Variants in COLEC10 observed in about 807,000 individuals in gnomAD.
COLEC10 encodes the protein collectin-10.
In COLEC10, 22 loss-of-function variants were observed where a neutral mutation model predicts 28.4. The observed-to-expected ratio is 0.78, with a 90% CI of 0.55 to 1.11. COLEC10 has a LOEUF of 1.11. Ranked by LOEUF, COLEC10 falls within the 50% of genes least tolerant of loss-of-function variation. COLEC10 has a pLI of 0.00. For synonymous variants in COLEC10, 125 were observed against 116.1 expected, an observed-to-expected ratio of 1.08 and a Z score of -0.49; for missense variants, 361 against 344.1, an observed-to-expected ratio of 1.05 and a Z score of -0.39.
At chr8:119,102,686 A>T in intron 4 of COLEC10, 1 of 302,390 alleles carries the variant, frequency 3.3e-6, no homozygotes, top group Non-Finnish European at 6.0e-6. Flanking sequence ...CCAAGAGAAA[A>T]CTCTGGCAGT....
At chr8:119,047,435 T>C (rs1814605493) in intron 2 of COLEC10, among the ~76,000 whole-genome samples, 1 of 152,222 alleles carries the variant, frequency 6.6e-6, no homozygotes, top group Non-Finnish European at 1.5e-5. Flanking sequence ...ACATATGCTG[T>C]GTCAATCTAG....
intron 2 of COLEC10, among the ~76,000 whole-genome samples, chr8:119,042,033 T>C (rs1405194151): frequency 1.3e-5 from 2 of 151,940 alleles, no homozygotes; most frequent in Non-Finnish European, 2.9e-5. Flanking sequence ...AGTCTTTCCC[T>C]GTCTCCCACG....
At chr8:119,047,555 A>G (rs915694048) in intron 2 of COLEC10, among the ~76,000 whole-genome samples, 1 of 152,234 alleles carries the variant, frequency 6.6e-6, no homozygotes, top group African/African-American at 2.4e-5. Context: ...ACAAAGACTA[A>G]AGATGAAAAT....
intron 2 of COLEC10, among the ~76,000 whole-genome samples, chr8:119,029,538 A>G (rs1356591631): frequency 6.6e-6 from 1 of 152,154 alleles, no homozygotes; most frequent in Non-Finnish European, 1.5e-5. Context: ...AAAGAAACCT[A>G]TTGGAGTCAT....
chr8:119,025,569 T>G (rs556063648), intron 2 of COLEC10, among the ~76,000 whole-genome samples: 3 of 152,110 alleles, frequency 2.0e-5, no homozygotes, highest in Admixed American at 6.6e-5. Flanking sequence ...TTCAAAAAAT[T>G]TTCAGTGTGG....
At chr8:119,039,776 C>T (rs558763075) in intron 2 of COLEC10, among the ~76,000 whole-genome samples, 2 of 152,298 alleles carry the variant, frequency 1.3e-5, no homozygotes, top group Non-Finnish European at 2.9e-5. Context: ...AAGTCAGCAA[C>T]ATCTGACCAA....
chr8:119,075,892 C>CT (rs35870985), intron 1 of COLEC10, among the ~76,000 whole-genome samples: 1,287 of 82,350 alleles, frequency 0.016, 37 homozygotes, highest in African/African-American at 0.032. Flanking sequence ...TCAGCCATAT[C>CT]TTTTTTTTTT....
chr8:118,957,109 A>T, the COLEC10 span, among the ~76,000 whole-genome samples: 1 of 152,220 alleles, frequency 6.6e-6, no homozygotes, highest in Non-Finnish European at 1.5e-5. Context: ...ACCATTAACA[A>T]ATCAGGAAAG....
chr8:118,956,441 A>T, the COLEC10 span, among the ~76,000 whole-genome samples: 11 of 152,196 alleles, frequency 7.2e-5, no homozygotes, highest in Non-Finnish European at 1.2e-4. Context: ...ACCTCTGGGT[A>T]GGGAAGTTGG....
chr8:119,023,052 A>G (rs748258438), intron 2 of COLEC10, among the ~76,000 whole-genome samples: 2 of 152,110 alleles, frequency 1.3e-5, no homozygotes, highest in Admixed American at 6.6e-5. Flanking sequence ...AGATATACAC[A>G]TGGTTTATAT....
chr8:119,047,424 A>G (rs1217174713), intron 2 of COLEC10, among the ~76,000 whole-genome samples: 2 of 152,200 alleles, frequency 1.3e-5, no homozygotes, highest in Non-Finnish European at 2.9e-5. Context: ...AGTATGTTAC[A>G]ACATATGCTG....
chr8:119,099,291 G>C (rs561792512), intron 3 of COLEC10, among the ~76,000 whole-genome samples: 1 of 152,064 alleles, frequency 6.6e-6, no homozygotes, highest in African/African-American at 2.4e-5. Flanking sequence ...CCATAAGCTG[G>C]CTAAGTACTT....
At chr8:119,012,311 AT>A (rs1179820040) in intron 2 of COLEC10, among the ~76,000 whole-genome samples, 2 of 150,778 alleles carry the variant, frequency 1.3e-5, no homozygotes, top group African/African-American at 2.5e-5. Flanking sequence ...CATACCTGGG[AT>A]AAACTCAACA....
In COLEC10 at chr8:119,091,273, G is replaced by A; in HGVS notation, c.292+53G>A. 9.7e-6 allele frequency: 13 copies of A among 1,346,984 alleles called. No individual in the cohort carries two copies. In the South Asian group the frequency reaches 1.6e-4, roughly 16 times the overall value. 83.4% of individuals were successfully genotyped at this position (1,346,984 alleles called of 1,614,324 possible). On this transcript the variant is annotated intron_variant, in intron 3 of 5. Transcript: ENST00000332843. Reference sequence around the variant, plus strand: ...AGCAATTCAAAGCAAATTGAGGCCGGGTACGATGGCTCACACCAGTAATCC... The same window carrying A: ...AGCAATTCAAAGCAAATTGAGGCCGAGTACGATGGCTCACACCAGTAATCC...
upstream of COLEC10, among the ~76,000 whole-genome samples, chr8:118,992,335 A>T (rs960689519): frequency 6.6e-6 from 1 of 152,138 alleles, no homozygotes; most frequent in South Asian, 2.1e-4. Context: ...TTTAGGGGTC[A>T]TTTATACAGG....
intron 5 of COLEC10, 102 bp downstream of exon 5, chr8:119,103,997 C>CT (rs1239832871): frequency 1.1e-4 from 92 of 842,906 alleles, no homozygotes; most frequent in Non-Finnish European, 1.4e-5. Flanking sequence ...GGACAAAGGG[C>CT]TATTGAGATA....
rs1275130760 is a variant in COLEC10, at chr8:119,069,641, T to C, written c.148+2212T>C. 3.0e-4 allele frequency among the ~76,000 whole-genome samples: 20 copies of C among 66,260 alleles called. 2 individuals carry two copies. Among genetic ancestry groups the C allele is most frequent in the Admixed American group, 1.6e-3 (8 of 5,060 alleles). 43.5% of individuals were successfully genotyped at this position (66,260 alleles called of 152,430 possible). A position where few individuals can be genotyped will look rare whatever the true frequency, so the allele number is the denominator to read the frequency against. ...AAAAAAAAAAAAAAATATATATATA[T>C]ATATATATATATATATATATGTAAA... On this transcript the variant is annotated intron_variant, in intron 1 of 5. Transcript: ENST00000332843.
At chr8:119,091,595 G>GAAAGAA (rs1554629267) in intron 3 of COLEC10, among the ~76,000 whole-genome samples, 15 of 138,576 alleles carry the variant, frequency 1.1e-4, no homozygotes, top group East Asian at 2.2e-4. Context: ...GAGAGAGAGA[G>GAAAGAA]AGAAAGAAAG....
intron 3 of COLEC10, among the ~76,000 whole-genome samples, chr8:119,101,350 G>C (rs893497589): frequency 1.3e-5 from 2 of 152,016 alleles, no homozygotes; most frequent in African/African-American, 4.8e-5. Flanking sequence ...CTTCCCTTTT[G>C]ATTCTCAAGA....
Sources: gnomAD v4.1 joint callset for allele counts (sites outside exome capture counted in the v4.1 genomes callset) on GRCh38, gnomAD v4.1.1 for gene constraint, MANE v1.5 for transcripts, NCBI Gene and HGNC (gene_info 2026-07-23, HGNC 2026-07-21) for gene names.